The following ZMAT3 variants were observed in gnomAD, a reference collection of about 807,000 sequenced individuals.
ZMAT3 encodes the protein zinc finger matrin-type 3.
A neutral mutation model predicts 32.3 loss-of-function variants in ZMAT3; 17 were observed. That is an observed-to-expected ratio of 0.53 (90% confidence interval 0.36 to 0.79). ZMAT3 has a LOEUF of 0.79. Among genes scored for constraint, ZMAT3 ranks in the 30% least tolerant of loss-of-function variants. The pLI is 0.00. For synonymous variants in ZMAT3, 120 were observed against 133.1 expected, an observed-to-expected ratio of 0.90 and a Z score of 0.68; for missense variants, 329 against 359.7, an observed-to-expected ratio of 0.91 and a Z score of 0.69.
At position 179,022,313 on chromosome 3, in the gene ZMAT3, A is replaced by G. The variant is rs2108528491; in HGVS notation, c.*2704T>C. ...TCTTATAAAACTATTTCCAATGGAA[A>G]ACAAAGTGGATGAATGACATTTTTA... On this transcript the variant is annotated 3_prime_UTR_variant, in exon 6 of 6. Coordinates refer to ENST00000311417, the MANE Select transcript of ZMAT3 (RefSeq NM_022470.4). 1 of 152,334 alleles carries G rather than the reference A, an allele frequency of 6.6e-6. No individual in the cohort carries two copies. The highest frequency in any genetic ancestry group is 2.1e-4 in the South Asian group (1 of 4,826). The allele number at this position is 152,334 out of a possible 1,614,324, so 9.4% of individuals were successfully genotyped here.
In ZMAT3 at chr3:179,048,163, C is replaced by T. The variant is rs184177990; in HGVS notation, c.271-17164G>A. 2.6e-5 allele frequency among the ~76,000 whole-genome samples: 4 copies of T among 152,218 alleles called. No homozygotes were observed. In the East Asian group the frequency reaches 5.8e-4, roughly 22 times the overall value. Reference sequence around the variant, plus strand: ...AAAGCCTCGAAGAAGTTTGAGATTACGATAAACGACCAAACCTAAGAATAA... The same window carrying T: ...AAAGCCTCGAAGAAGTTTGAGATTATGATAAACGACCAAACCTAAGAATAA... On this transcript the variant is annotated intron_variant, in intron 2 of 5. Transcript: ENST00000311417.
At chr3:179,054,975 C>T (rs1720760817) in intron 2 of ZMAT3, among the ~76,000 whole-genome samples, 1 of 152,134 alleles carries the variant, frequency 6.6e-6, no homozygotes, top group African/African-American at 2.4e-5. Flanking sequence ...CACCACATGG[C>T]CCAAGATTCC....
chr3:179,026,838 C>T (rs774930547), intron 5 of ZMAT3, among the ~76,000 whole-genome samples: 8 of 152,182 alleles, frequency 5.3e-5, no homozygotes, highest in Non-Finnish European at 1.0e-4. Flanking sequence ...TGAGGGACTA[C>T]TCAGCCCACT....
chr3:179,028,994 T>C (rs1719034788), intron 3 of ZMAT3, among the ~76,000 whole-genome samples: 1 of 151,956 alleles, frequency 6.6e-6, no homozygotes. Flanking sequence ...ACCCTGTCTC[T>C]ACTAAAATAA....
At chr3:179,071,397 G>A (rs1209316433) in intron 1 of ZMAT3, 198 bp downstream of exon 1, 1 of 152,376 alleles carries the variant, frequency 6.6e-6, no homozygotes, top group Non-Finnish European at 1.5e-5. Flanking sequence ...GCAACTGAGA[G>A]GGCCAAGGCA....
intron 2 of ZMAT3, among the ~76,000 whole-genome samples, chr3:179,052,638 C>T (rs549188533): frequency 2.1e-4 from 32 of 152,282 alleles, no homozygotes; most frequent in African/African-American, 7.7e-4. Flanking sequence ...ATCCAGCAAT[C>T]CCTCTCCAGG....
intron 2 of ZMAT3, among the ~76,000 whole-genome samples, chr3:179,053,573 A>C (rs541240061): frequency 1.3e-5 from 2 of 152,336 alleles, no homozygotes; most frequent in East Asian, 3.9e-4. Context: ...AAAGAAAAAG[A>C]GTAACTTTGC....
Position 179,020,965 on chromosome 3 carries a change from C to T in ZMAT3, c.*4052G>A, listed in dbSNP as rs958364366. ...CTTTCTAAAATGAGGTGGAAGATCT[C>T]GTGCTTCTTGTTAGCTTTTTAAGTC... On this transcript the variant is annotated 3_prime_UTR_variant, in exon 6 of 6. Coordinates refer to ENST00000311417, the MANE Select transcript of ZMAT3 (RefSeq NM_022470.4). The T allele has an allele frequency of 6.6e-6, 1 of 151,994 alleles. No individual in the cohort carries two copies. Among genetic ancestry groups the T allele is most frequent in the African/African-American group, 2.4e-5 (1 of 41,350 alleles). 9.4% of individuals were successfully genotyped at this position (151,994 alleles called of 1,614,324 possible). A position where few individuals can be genotyped will look rare whatever the true frequency, so the allele number is the denominator to read the frequency against.
At chr3:179,056,338 GT>G (rs1463597759) in intron 2 of ZMAT3, among the ~76,000 whole-genome samples, 1 of 151,944 alleles carries the variant, frequency 6.6e-6, no homozygotes, top group Non-Finnish European at 1.5e-5. Flanking sequence ...AAAAGGGGGG[GT>G]CCACTACTTT....
At chr3:179,045,232 C>A (rs1201948249) in intron 2 of ZMAT3, among the ~76,000 whole-genome samples, 1 of 152,040 alleles carries the variant, frequency 6.6e-6, no homozygotes, top group African/African-American at 2.4e-5. Flanking sequence ...AAGTCTGGAA[C>A]AAAGTGGCTC....
chr3:179,050,802 G>A (rs1720515499), intron 2 of ZMAT3, among the ~76,000 whole-genome samples: 1 of 151,842 alleles, frequency 6.6e-6, no homozygotes, highest in East Asian at 1.9e-4. Context: ...CAGGGATTTA[G>A]GGATGGTTTT....
chr3:179,045,006 G>A (rs1720153191), intron 2 of ZMAT3, among the ~76,000 whole-genome samples: 1 of 151,778 alleles, frequency 6.6e-6, no homozygotes, highest in East Asian at 1.9e-4. Flanking sequence ...TTGTGCACAT[G>A]TACCCCAGAA....
Position 179,027,824 on chromosome 3 carries a change from GAC to G in ZMAT3, c.391-14_391-13del, listed in dbSNP as rs1718962377. ...TTAAAGGAGCCCATCTGACATCAAA[GAC>G]ACAAGAAGAAACAAAGTTAAAAAAA... On this transcript the variant is annotated splice_polypyrimidine_tract_variant and intron_variant, in intron 3 of 5. Transcript: ENST00000311417. 3.8e-6 allele frequency: 6 copies of G among 1,585,448 alleles called. No individual in the cohort carries two copies. Among genetic ancestry groups the G allele is most frequent in the Non-Finnish European group, 5.1e-6 (6 of 1,169,986 alleles).
intron 2 of ZMAT3, among the ~76,000 whole-genome samples, chr3:179,038,935 C>T (rs1423698173): frequency 6.6e-6 from 1 of 152,272 alleles, no homozygotes; most frequent in Non-Finnish European, 1.5e-5. Flanking sequence ...GCAGGTCCCA[C>T]GTCCACAGAG....
Position 179,025,211 on chromosome 3 carries a change from G to C in ZMAT3, c.676C>G (p.Pro226Ala). ...QNNSAGPYFNPRSRQRIPRDL... is the reference protein window; with the variant it reads ...QNNSAGPYFNARSRQRIPRDL... ...CGTGGAATTCTCTGCCGAGAGCGGGGATTGAAGTAAGGACCTGCTAAAGCA... is the reference window on the plus strand; with the variant it reads ...CGTGGAATTCTCTGCCGAGAGCGGGCATTGAAGTAAGGACCTGCTAAAGCA... Residue 226 changes from proline to alanine, a missense_variant, in exon 6 of 6, where the codon CCC (proline) becomes GCC (alanine). Transcript: ENST00000311417. 6.2e-7 allele frequency: 1 copy of C among 1,613,814 alleles called. No homozygotes were observed. Among genetic ancestry groups the C allele is most frequent in the Non-Finnish European group, 8.5e-7 (1 of 1,179,820 alleles).
intron 3 of ZMAT3, among the ~76,000 whole-genome samples, chr3:179,030,151 C>A (rs1719098354): frequency 6.6e-6 from 1 of 152,140 alleles, no homozygotes; most frequent in Admixed American, 6.6e-5. Context: ...AAGTCTGTTT[C>A]ATGATAGCAA....
chr3:179,050,177 GA>G (rs977757491), intron 2 of ZMAT3, among the ~76,000 whole-genome samples: 10 of 151,818 alleles, frequency 6.6e-5, no homozygotes, highest in African/African-American at 2.4e-4. Context: ...AAGATTAAGT[GA>G]AACAAAAGGT....
chr3:179,018,819 T>C lies in ZMAT3; in HGVS notation c.*6198A>G, dbSNP rs1021187415. ...CTGCTAATTATAGCTGGAGGAAGTG[T>C]GGATAATTACAATTCTCAAGGAATT... is the stretch of plus-strand genomic sequence containing the variant. On this transcript the variant is annotated 3_prime_UTR_variant, in exon 6 of 6. Transcript: ENST00000311417. The C allele has an allele frequency of 2.6e-5, 4 of 152,182 alleles. No homozygotes were observed. The East Asian group carries it at 5.8e-4, about 22-fold the overall frequency. The allele number at this position is 152,182 out of a possible 1,614,324, so 9.4% of individuals were successfully genotyped here. A position where few individuals can be genotyped will look rare whatever the true frequency, so the allele number is the denominator to read the frequency against.
intron 2 of ZMAT3, among the ~76,000 whole-genome samples, chr3:179,055,332 C>T (rs1239938987): frequency 6.6e-6 from 1 of 152,276 alleles, no homozygotes; most frequent in Admixed American, 6.5e-5. Context: ...TACAGCTAGA[C>T]CTCTTCTGTA....
Sources: gnomAD v4.1 joint callset for allele counts (sites outside exome capture counted in the v4.1 genomes callset) on GRCh38, gnomAD v4.1.1 for gene constraint, MANE v1.5 for transcripts, NCBI Gene and HGNC (gene_info 2026-07-23, HGNC 2026-07-21) for gene names.